OBI1: variants seen among roughly 807,000 people sequenced by gnomAD.
The protein encoded by OBI1 is ring finger protein 219.
In OBI1, 59 loss-of-function variants were observed where a neutral mutation model predicts 62.4. The observed-to-expected ratio is 0.95, with a 90% CI of 0.77 to 1.17. OBI1 has a LOEUF of 1.17. Ranked by LOEUF, OBI1 falls within the 50% of genes most tolerant of loss-of-function variation. The probability of loss-of-function intolerance (pLI) is 0.00; values close to 1 mark genes in which losing one functional copy is unlikely to be tolerated. For synonymous variants in OBI1, 302 were observed against 292.8 expected, an observed-to-expected ratio of 1.03 and a Z score of -0.32; for missense variants, 875 against 830.9, an observed-to-expected ratio of 1.05 and a Z score of -0.65.
intron 1 of OBI1, among the ~76,000 whole-genome samples, chr13:78,645,368 C>A (rs891423114): frequency 6.6e-6 from 1 of 152,172 alleles, no homozygotes; most frequent in Admixed American, 6.5e-5. Flanking sequence ...TTGAAAATAT[C>A]ATTTAGCACA....
chr13:78,621,149 GT>G (rs758498605), intron 5 of OBI1, among the ~76,000 whole-genome samples: 19 of 152,210 alleles, frequency 1.2e-4, no homozygotes, highest in Admixed American at 4.6e-4. Context: ...CTTTTGTGGT[GT>G]GGCCTATCTG....
chr13:78,630,493 T>G (rs75129673), intron 5 of OBI1, among the ~76,000 whole-genome samples: 114 of 152,206 alleles, frequency 7.5e-4, no homozygotes, highest in Middle Eastern at 3.4e-3. Flanking sequence ...CCCCATAAAT[T>G]CTTATGTTGA....
chr13:78,615,529 A>G lies in OBI1; in HGVS notation c.*51T>C. ...ATGAGGAAAAAAGGTAACTTTAACA[A>G]CTTTTCTATTTCTCTCAGGACAAAA... On this transcript the variant is annotated 3_prime_UTR_variant, in exon 6 of 6. Transcript: ENST00000282003. The G allele has an allele frequency of 7.3e-7, 1 of 1,372,336 alleles. No homozygotes were observed. The highest frequency in any genetic ancestry group is 1.0e-6 in the Non-Finnish European group (1 of 1,003,120). 85.0% of individuals were successfully genotyped at this position (1,372,336 alleles called of 1,614,324 possible). A position where few individuals can be genotyped will look rare whatever the true frequency, so the allele number is the denominator to read the frequency against.
chr13:78,654,272 T>C (rs1876632327), intron 1 of OBI1, among the ~76,000 whole-genome samples: 1 of 152,258 alleles, frequency 6.6e-6, no homozygotes, highest in Non-Finnish European at 1.5e-5. Flanking sequence ...TTATACACTA[T>C]GTATAAAATG....
At chr13:78,625,664 C>A (rs1925739) in intron 5 of OBI1, among the ~76,000 whole-genome samples, 2 of 152,134 alleles carry the variant, frequency 1.3e-5, no homozygotes, top group African/African-American at 4.8e-5. Context: ...CTGTCTATCC[C>A]CAATTAAGTG....
In OBI1 at chr13:78,616,953, T is replaced by C. The variant is rs376922771; in HGVS notation, c.808A>G (p.Ile270Val). Residue 270 changes from isoleucine (I) to valine (V), a missense_variant, in exon 6 of 6, where the codon ATT (isoleucine) becomes GTT (valine). Ile to Val is a conservative substitution (Grantham distance 29, BLOSUM62 3). Coordinates refer to ENST00000282003, the MANE Select transcript of OBI1 (RefSeq NM_024546.4). ...SSEEKEAMNS[I>V]CQTALSADGK... is the part of the protein sequence containing the mutation. The stretch of plus-strand genomic sequence containing the variant: ...TCTGCAGAAAGTGCTGTCTGGCAAA[T>C]GGAATTCATAGCTTCTTTCTCTTCA... 2 of 1,614,218 alleles carry C rather than the reference T, an allele frequency of 1.2e-6. No homozygotes were observed. Among genetic ancestry groups the C allele is most frequent in the Admixed American group, 1.7e-5 (1 of 60,022 alleles).
In OBI1 at chr13:78,644,944, A is replaced by G. The variant is rs200750544; in HGVS notation, c.126T>C (p.Ile42=). The part of the protein sequence containing the change: ...INNHVFCSIC[I]DLWLKNNSQC... ...GGCTATTATTCTTCAACCACAAATCAATACAAATCGAACAAAATACATGGT... is the reference window on the plus strand; with the variant it reads ...GGCTATTATTCTTCAACCACAAATCGATACAAATCGAACAAAATACATGGT... The change falls in exon 2 of 6, where the codon ATT becomes ATC. Residue 42 remains isoleucine (I), a synonymous_variant. Transcript: ENST00000282003. The G allele has an allele frequency of 8.1e-6, 13 of 1,613,704 alleles. No individual in the cohort carries two copies. The highest frequency in any genetic ancestry group is 1.3e-5 in the African/African-American group (1 of 74,902).
At chr13:78,649,512 A>C (rs1203446576) in intron 1 of OBI1, among the ~76,000 whole-genome samples, 3 of 152,234 alleles carry the variant, frequency 2.0e-5, no homozygotes, top group Non-Finnish European at 4.4e-5. Flanking sequence ...GGGGATGGAA[A>C]CCTGACTGGA....
chr13:78,638,131 T>G (rs1189276349), intron 4 of OBI1, among the ~76,000 whole-genome samples: 1 of 152,176 alleles, frequency 6.6e-6, no homozygotes, highest in East Asian at 1.9e-4. Context: ...GGCTGATCAC[T>G]TGGGTCAAGA....
chr13:78,629,949 T>C (rs1875795892), intron 5 of OBI1, among the ~76,000 whole-genome samples: 1 of 152,148 alleles, frequency 6.6e-6, no homozygotes, highest in Admixed American at 6.5e-5. Context: ...TACTGAGTAG[T>C]ACCACGATAT....
chr13:78,615,972 T>G lies in OBI1; in HGVS notation c.1789A>C (p.Thr597Pro). 6.2e-7 allele frequency: 1 copy of G among 1,613,994 alleles called. No individual in the cohort carries two copies. Among genetic ancestry groups the G allele is most frequent in the Non-Finnish European group, 8.5e-7 (1 of 1,179,998 alleles). ...TELNLSKGSLTNDQLENGSEW... is the reference protein window; with the variant it reads ...TELNLSKGSLPNDQLENGSEW... Reference sequence around the variant, plus strand: ...CTTCCATTTTCTAACTGATCATTAGTTAGAGAACCTTTGGAAAGGTTTAGC... The same window carrying G: ...CTTCCATTTTCTAACTGATCATTAGGTAGAGAACCTTTGGAAAGGTTTAGC... Residue 597 changes from threonine to proline, a missense_variant, in exon 6 of 6, where the codon ACT becomes CCT. Coordinates refer to ENST00000282003, the MANE Select transcript of OBI1 (RefSeq NM_024546.4).
intron 3 of OBI1, 75 bp downstream of exon 3, chr13:78,642,047 T>A: frequency 1.4e-6 from 1 of 713,714 alleles, no homozygotes; most frequent in South Asian, 1.9e-5. Flanking sequence ...CTCTAAGAAG[T>A]CTGGGGACTG....
At chr13:78,646,856 G>A (rs938877897) in intron 1 of OBI1, among the ~76,000 whole-genome samples, 3 of 152,164 alleles carry the variant, frequency 2.0e-5, no homozygotes, top group Non-Finnish European at 4.4e-5. Context: ...AGAAAAGGAA[G>A]ACATAAGAAA....
At chr13:78,654,558 C>T (rs1038026306) in intron 1 of OBI1, among the ~76,000 whole-genome samples, 1 of 152,078 alleles carries the variant, frequency 6.6e-6, no homozygotes, top group African/African-American at 2.4e-5. Flanking sequence ...AGAGTGAGGA[C>T]TCTAAGTTGC....
intron 4 of OBI1, among the ~76,000 whole-genome samples, chr13:78,635,786 A>G (rs1278336842): frequency 6.6e-6 from 1 of 152,082 alleles, no homozygotes; most frequent in Non-Finnish European, 1.5e-5. Context: ...ATTTTTTGAA[A>G]GAGTCTTGCT....
chr13:78,615,809 G>GA lies in OBI1; in HGVS notation c.1951dup (p.Ser651PhefsTer14). On this transcript the variant is annotated frameshift_variant, in exon 6 of 6. Coordinates refer to ENST00000282003, the MANE Select transcript of OBI1 (RefSeq NM_024546.4). LOFTEE classifies it high-confidence loss of function. ...TGAACTGCTTAACAAAATGCCCTGG[G>GA]AAAACTCTGTCTGAAACAAGCAGCT... is the stretch of plus-strand genomic sequence containing the variant. 6.2e-7 allele frequency: 1 copy of GA among 1,613,842 alleles called. No homozygotes were observed. Among genetic ancestry groups the GA allele is most frequent in the Non-Finnish European group, 8.5e-7 (1 of 1,179,946 alleles).
At chr13:78,658,708 G>A (rs941341757) in intron 1 of OBI1, among the ~76,000 whole-genome samples, 1 of 152,160 alleles carries the variant, frequency 6.6e-6, no homozygotes, top group East Asian at 1.9e-4. Context: ...GGCTGCAGAG[G>A]GAAGTTAAAT....
chr13:78,648,134 TC>T (rs1876438318), intron 1 of OBI1, among the ~76,000 whole-genome samples: 1 of 152,196 alleles, frequency 6.6e-6, no homozygotes, highest in Admixed American at 6.5e-5. Context: ...CTATTTTTTT[TC>T]TTAAAAATTC....
intron 3 of OBI1, 138 bp from the exon 4 acceptor site, chr13:78,639,209 T>C: frequency 2.4e-6 from 2 of 828,760 alleles, no homozygotes; most frequent in Non-Finnish European, 1.8e-6. Context: ...ATCAAAAGAG[T>C]TTTGCAGGGA....
Sources: allele counts gnomAD v4.1 joint callset (sites outside exome capture counted in the v4.1 genomes callset), GRCh38; gene constraint gnomAD v4.1.1; transcripts MANE v1.5; gene names NCBI Gene and HGNC (gene_info 2026-07-23, HGNC 2026-07-21).